Variants in HMGCLL1 observed in about 807,000 individuals in gnomAD.
HMGCLL1 encodes the protein 3-hydroxymethyl-3-methylglutaryl-CoA lyase, cytoplasmic.
Under a neutral mutation model 39.1 loss-of-function variants are expected in HMGCLL1, and 36 were observed. That is an observed-to-expected ratio of 0.92 (90% confidence interval 0.71 to 1.22). The LOEUF (loss-of-function observed/expected upper bound fraction) is 1.22. Among genes scored for constraint, HMGCLL1 ranks in the 50% most tolerant of loss-of-function variants. The pLI, the probability that HMGCLL1 is intolerant of heterozygous loss-of-function variation, is 0.00. For missense variants in HMGCLL1, 451 were observed against 416.5 expected, an observed-to-expected ratio of 1.08 and a Z score of -0.72; for synonymous variants, 149 against 144.0, an observed-to-expected ratio of 1.03 and a Z score of -0.25.
chr6:55,656,979 C>T, the HMGCLL1 span, among the ~76,000 whole-genome samples: 21 of 151,874 alleles, frequency 1.4e-4, no homozygotes, highest in Admixed American at 1.1e-3. Flanking sequence ...GAAAAGACCA[C>T]AGAATTTGCT....
intron 7 of HMGCLL1, among the ~76,000 whole-genome samples, chr6:55,473,125 A>G (rs1473499061): frequency 1.3e-5 from 2 of 151,292 alleles, no homozygotes; most frequent in Non-Finnish European, 3.0e-5. Context: ...CTTTTAACAT[A>G]CCTGAGTATA....
At chr6:55,588,160 C>A in the HMGCLL1 span, among the ~76,000 whole-genome samples, 1 of 152,174 alleles carries the variant, frequency 6.6e-6, no homozygotes, top group East Asian at 1.9e-4. Context: ...GGAAGTAAAG[C>A]TCTCCTCAGC....
At chr6:55,595,739 T>A in the HMGCLL1 span, among the ~76,000 whole-genome samples, 3 of 152,190 alleles carry the variant, frequency 2.0e-5, no homozygotes, top group African/African-American at 7.2e-5. Context: ...AAATAATTCA[T>A]GAATCTGGCC....
chr6:55,663,490 G>A, the HMGCLL1 span, among the ~76,000 whole-genome samples: 9 of 151,742 alleles, frequency 5.9e-5, no homozygotes, highest in Non-Finnish European at 1.2e-4. Context: ...GTAATTGCAT[G>A]GTTTTGAGCA....
intron 1 of HMGCLL1, among the ~76,000 whole-genome samples, chr6:55,546,794 A>G (rs2127461993): frequency 6.6e-6 from 1 of 152,254 alleles, no homozygotes; most frequent in African/African-American, 2.4e-5. Context: ...TTAATGTCCT[A>G]CATTACAGAG....
At chr6:55,663,597 T>C in the HMGCLL1 span, among the ~76,000 whole-genome samples, 1 of 152,016 alleles carries the variant, frequency 6.6e-6, no homozygotes, top group East Asian at 1.9e-4. Flanking sequence ...ACTTTCAATG[T>C]GTGGTTGATT....
chr6:55,660,191 C>G, the HMGCLL1 span, among the ~76,000 whole-genome samples: 1 of 151,652 alleles, frequency 6.6e-6, no homozygotes, highest in African/African-American at 2.4e-5. Flanking sequence ...TTCAGAAAGA[C>G]AAGAAAAAGC....
intron 7 of HMGCLL1, among the ~76,000 whole-genome samples, chr6:55,485,225 T>C (rs549858059): frequency 2.6e-4 from 39 of 152,248 alleles, no homozygotes; most frequent in African/African-American, 9.4e-4. Context: ...CCATCTTCTG[T>C]ATCTTACTGC....
At chr6:55,540,883 C>G (rs551951217) in intron 3 of HMGCLL1, among the ~76,000 whole-genome samples, 2 of 152,122 alleles carry the variant, frequency 1.3e-5, no homozygotes, top group African/African-American at 4.8e-5. Context: ...CAGAGAAAAG[C>G]ACTGAAAACA....
At chr6:55,572,757 A>G (rs975262559) in intron 1 of HMGCLL1, among the ~76,000 whole-genome samples, 27 of 152,334 alleles carry the variant, frequency 1.8e-4, no homozygotes, top group African/African-American at 5.5e-4. Flanking sequence ...TTTCCTTATT[A>G]TATAATCTTT....
At chr6:55,466,979 T>C (rs971210386) in intron 7 of HMGCLL1, among the ~76,000 whole-genome samples, 5 of 152,130 alleles carry the variant, frequency 3.3e-5, no homozygotes, top group African/African-American at 1.2e-4. Context: ...TTGTCTTACA[T>C]GATATAATTT....
the HMGCLL1 span, among the ~76,000 whole-genome samples, chr6:55,609,514 G>A: frequency 6.6e-6 from 1 of 152,242 alleles, no homozygotes; most frequent in East Asian, 1.9e-4. Context: ...CTCAGGGACA[G>A]AACTCTGATC....
the HMGCLL1 span, among the ~76,000 whole-genome samples, chr6:55,606,294 G>A: frequency 2.0e-5 from 3 of 152,130 alleles, no homozygotes; most frequent in Admixed American, 2.0e-4. Context: ...TTATACACAC[G>A]ACATATATCC....
chr6:55,537,408 T>G (rs1256729686), intron 3 of HMGCLL1, among the ~76,000 whole-genome samples: 1 of 152,186 alleles, frequency 6.6e-6, no homozygotes, highest in Non-Finnish European at 1.5e-5. Context: ...CCTTTAGCAT[T>G]TGAAAGGCAA....
intron 1 of HMGCLL1, among the ~76,000 whole-genome samples, chr6:55,553,742 T>A (rs954604638): frequency 1.3e-5 from 2 of 152,196 alleles, no homozygotes; most frequent in African/African-American, 4.8e-5. Flanking sequence ...TCTGATATTT[T>A]GCAAAAATGG....
intron 7 of HMGCLL1, among the ~76,000 whole-genome samples, chr6:55,460,791 T>G (rs1433699477): frequency 6.6e-6 from 1 of 152,020 alleles, no homozygotes. Context: ...ATTTGAGCTC[T>G]GTAGTCCAGT....
chr6:55,469,170 A>G (rs1218604180), intron 7 of HMGCLL1, among the ~76,000 whole-genome samples: 1 of 150,842 alleles, frequency 6.6e-6, no homozygotes, highest in Non-Finnish European at 1.5e-5. Flanking sequence ...AGAAAAAAAG[A>G]TTGTCTAAAC....
chr6:55,530,005 G>C (rs902328418), intron 3 of HMGCLL1, among the ~76,000 whole-genome samples: 19 of 151,052 alleles, frequency 1.3e-4, no homozygotes, highest in Non-Finnish European at 2.7e-4. Context: ...CAGAAAGCAT[G>C]GGTTAAACAG....
At chr6:55,469,461 GTA>G (rs1050186538) in intron 7 of HMGCLL1, among the ~76,000 whole-genome samples, 11 of 137,060 alleles carry the variant, frequency 8.0e-5, no homozygotes, top group Admixed American at 1.4e-4. Context: ...GTATATATGT[GTA>G]TATATGTGTG....
Sources: allele counts gnomAD v4.1 joint callset (sites outside exome capture counted in the v4.1 genomes callset), GRCh38; gene constraint gnomAD v4.1.1; transcripts MANE v1.5; gene names NCBI Gene and HGNC (gene_info 2026-07-23, HGNC 2026-07-21).